Variants in SLC44A5 observed in about 807,000 individuals in gnomAD.
SLC44A5 encodes choline transporter-like protein 5.
In SLC44A5, 57 loss-of-function variants were observed where a neutral mutation model predicts 101.8. The observed-to-expected ratio is 0.56, with a 90% CI of 0.45 to 0.70. SLC44A5 has a LOEUF of 0.70. Among genes scored for constraint, SLC44A5 ranks in the 30% least tolerant of loss-of-function variants. The pLI is 0.00. For missense variants in SLC44A5, 737 were observed against 853.1 expected, an observed-to-expected ratio of 0.86 and a Z score of 1.70; for synonymous variants, 281 against 290.9, an observed-to-expected ratio of 0.97 and a Z score of 0.35.
chr1:75,496,736 T>TAA (rs1293698723), intron 2 of SLC44A5, among the ~76,000 whole-genome samples: 1 of 151,806 alleles, frequency 6.6e-6, no homozygotes, highest in Non-Finnish European at 1.5e-5. Flanking sequence ...ATATATCTAA[T>TAA]AAAGAGTTAA....
At chr1:75,253,730 G>T (rs1407032139) in intron 6 of SLC44A5, among the ~76,000 whole-genome samples, 1 of 152,114 alleles carries the variant, frequency 6.6e-6, no homozygotes, top group Non-Finnish European at 1.5e-5. Context: ...TTTGCCATAG[G>T]TAAAATTGAT....
chr1:75,387,916 A>G (rs1269686425), intron 3 of SLC44A5, among the ~76,000 whole-genome samples: 4 of 148,656 alleles, frequency 2.7e-5, no homozygotes, highest in Admixed American at 2.7e-4. Flanking sequence ...TTGTAGGGAC[A>G]TGGATGAAAT....
the SLC44A5 span, among the ~76,000 whole-genome samples, chr1:75,670,408 A>G: frequency 6.6e-6 from 1 of 152,192 alleles, no homozygotes; most frequent in Non-Finnish European, 1.5e-5. Context: ...ATGAAATTAC[A>G]TACAACAGAA....
intron 12 of SLC44A5, 138 bp downstream of exon 12, chr1:75,233,848 T>C (rs1309308770): frequency 3.1e-6 from 2 of 644,536 alleles, no homozygotes; most frequent in African/African-American, 3.7e-5. Context: ...GAAATATTTT[T>C]TCTAAGTTTA....
intron 4 of SLC44A5, among the ~76,000 whole-genome samples, chr1:75,328,831 C>T (rs1656805315): frequency 6.6e-6 from 1 of 152,160 alleles, no homozygotes; most frequent in East Asian, 1.9e-4. Context: ...ATGGGATATA[C>T]TATGCTCACG....
intron 1 of SLC44A5, among the ~76,000 whole-genome samples, chr1:75,601,363 TG>T (rs1457496780): frequency 6.5e-5 from 1 of 15,288 alleles, no homozygotes; most frequent in Non-Finnish European, 1.2e-4. Flanking sequence ...CATCAAACAC[TG>T]GGGCTTGTCG....
At chr1:75,715,427 A>C in the SLC44A5 span, among the ~76,000 whole-genome samples, 409 of 152,336 alleles carry the variant, frequency 2.7e-3, 1 homozygote, top group African/African-American at 9.4e-3. Context: ...AAAACGGCAT[A>C]GTACTGGTAC....
chr1:75,385,301 A>G lies in SLC44A5; in HGVS notation c.52+11282T>C, dbSNP rs566352067. On this transcript the variant is annotated intron_variant, in intron 3 of 23. Coordinates refer to ENST00000370859, the MANE Select transcript of SLC44A5 (RefSeq NM_001130058.2). ...TTTTGAAAGGATCAACAAAATTGAT[A>G]GACCGCTAGCAAGACTAATAAAGAA... Among the ~76,000 whole-genome samples, 5 of 146,102 alleles carry G rather than the reference A, an allele frequency of 3.4e-5. No homozygotes were observed. The South Asian group carries it at 1.1e-3, about 33-fold the overall frequency.
chr1:75,547,946 AC>A (rs1282779411), intron 1 of SLC44A5, among the ~76,000 whole-genome samples: 2 of 152,134 alleles, frequency 1.3e-5, no homozygotes, highest in African/African-American at 2.4e-5. Flanking sequence ...AATTCCCAGA[AC>A]CCTCAGTTTT....
the SLC44A5 span, among the ~76,000 whole-genome samples, chr1:75,691,712 A>G: frequency 6.6e-6 from 1 of 152,208 alleles, no homozygotes; most frequent in African/African-American, 2.4e-5. Flanking sequence ...TACAAGATCA[A>G]GGTGCAAACC....
At chr1:75,608,552 G>A (rs866218343) in intron 1 of SLC44A5, among the ~76,000 whole-genome samples, 1 of 151,898 alleles carries the variant, frequency 6.6e-6, no homozygotes, top group Non-Finnish European at 1.5e-5. Context: ...ATCTGAACTG[G>A]TGCCACATTT....
the SLC44A5 span, among the ~76,000 whole-genome samples, chr1:75,635,754 A>C: frequency 8.6e-5 from 13 of 151,734 alleles, no homozygotes. Flanking sequence ...ACATGTATAC[A>C]TATGTAACTA....
At chr1:75,342,278 A>T (rs1276916130) in intron 3 of SLC44A5, among the ~76,000 whole-genome samples, 1 of 152,218 alleles carries the variant, frequency 6.6e-6, no homozygotes, top group East Asian at 1.9e-4. Context: ...AGTTCTTTAC[A>T]TGTAGGTCTG....
In SLC44A5 at chr1:75,251,236, G is replaced by C; in HGVS notation, c.319C>G (p.Leu107Val). Residue 107 changes from leucine (L) to valine (V), a missense_variant, in exon 7 of 24, where the codon CTA (leucine) becomes GTA (valine). Leu to Val is a conservative substitution (Grantham distance 32). Coordinates refer to ENST00000370859, the MANE Select transcript of SLC44A5 (RefSeq NM_001130058.2). ...TGTGTGGTAGGGCACTGTAGGTTTA[G>C]CAACACGGAGGGACTGGTACAGCGT... ...LLRCTSPSVL[L>V]NLQCPTTQIC... is the part of the protein sequence containing the mutation. 6.2e-7 allele frequency: 1 copy of C among 1,613,448 alleles called. No individual in the cohort carries two copies. The highest frequency in any genetic ancestry group is 8.5e-7 in the Non-Finnish European group (1 of 1,179,532).
chr1:75,572,996 A>C (rs1014915710), intron 1 of SLC44A5, among the ~76,000 whole-genome samples: 2 of 151,638 alleles, frequency 1.3e-5, no homozygotes, highest in Non-Finnish European at 2.9e-5. Context: ...AGTGGCATGC[A>C]CCTGTAGTTC....
chr1:75,468,472 T>C (rs1666936666), intron 2 of SLC44A5, among the ~76,000 whole-genome samples: 1 of 152,162 alleles, frequency 6.6e-6, no homozygotes, highest in South Asian at 2.1e-4. Flanking sequence ...ATACACCATG[T>C]AGTACTATTC....
At chr1:75,331,460 G>C (rs1191932905) in intron 4 of SLC44A5, among the ~76,000 whole-genome samples, 3 of 152,050 alleles carry the variant, frequency 2.0e-5, no homozygotes, top group East Asian at 3.9e-4. Flanking sequence ...AGCATATCTT[G>C]AGTCTATACA....
At chr1:75,672,829 G>A in the SLC44A5 span, among the ~76,000 whole-genome samples, 1 of 152,162 alleles carries the variant, frequency 6.6e-6, no homozygotes, top group African/African-American at 2.4e-5. Flanking sequence ...GCTCCAGGAT[G>A]ACATTCATAG....
intron 3 of SLC44A5, among the ~76,000 whole-genome samples, chr1:75,359,983 TC>T (rs1263166223): frequency 2.0e-5 from 3 of 152,214 alleles, no homozygotes; most frequent in African/African-American, 7.2e-5. Flanking sequence ...AAATGTCTGT[TC>T]AGGTCCTTTC....
Sources: gnomAD v4.1 joint callset for allele counts (sites outside exome capture counted in the v4.1 genomes callset) on GRCh38, gnomAD v4.1.1 for gene constraint, MANE v1.5 for transcripts, NCBI Gene and HGNC (gene_info 2026-07-23, HGNC 2026-07-21) for gene names.